DLG1: variants seen among roughly 807,000 people sequenced by gnomAD.
DLG1 encodes the protein discs large MAGUK scaffold protein 1, also known as disks large homolog 1.
DLG1 carries 42 observed loss-of-function variants against 123.4 expected under a neutral mutation model. That is an observed-to-expected ratio of 0.34 (90% confidence interval 0.27 to 0.44). The LOEUF (loss-of-function observed/expected upper bound fraction) is 0.44, where lower values mean the gene tolerates loss of function less well. Among genes scored for constraint, DLG1 ranks in the 20% least tolerant of loss-of-function variants. The pLI, the probability that DLG1 is intolerant of heterozygous loss-of-function variation, is 1.00. For synonymous variants in DLG1, 317 were observed against 356.2 expected, an observed-to-expected ratio of 0.89 and a Z score of 1.24; for missense variants, 942 against 1,082.6, an observed-to-expected ratio of 0.87 and a Z score of 1.82.
intron 4 of DLG1, among the ~76,000 whole-genome samples, chr3:197,220,224 TAGAA>T (rs983499305): frequency 6.6e-6 from 1 of 152,176 alleles, no homozygotes; most frequent in Admixed American, 6.5e-5. Flanking sequence ...TCATAAAAAT[TAGAA>T]AGACACATAC....
rs189588989 is a variant in DLG1, at chr3:197,250,099, G to A, written c.318+32580C>T. ...AATAAAGGGCACCAAAATTGAAAAG[G>A]AAGAAGTCAAATTAGCCTTGTTTAC... On this transcript the variant is annotated intron_variant, in intron 4 of 24. Transcript: ENST00000667157. 4.9e-3 allele frequency among the ~76,000 whole-genome samples: 738 copies of A among 152,152 alleles called. 6 individuals are homozygous for A. The highest frequency in any genetic ancestry group is 0.031 in the Middle Eastern group (9 of 294).
chr3:197,204,200 A>G (rs142812340), intron 4 of DLG1, among the ~76,000 whole-genome samples: 4 of 152,362 alleles, frequency 2.6e-5, no homozygotes, highest in Admixed American at 2.6e-4. Flanking sequence ...TTCTACTTGT[A>G]CATTTCAAAT....
chr3:197,195,695 A>G (rs1722113296), intron 4 of DLG1, among the ~76,000 whole-genome samples: 1 of 152,072 alleles, frequency 6.6e-6, no homozygotes, highest in Admixed American at 6.5e-5. Flanking sequence ...ACATGAGCAC[A>G]CAGATGGGAA....
At chr3:197,143,767 A>G (rs1035765460) in intron 6 of DLG1, among the ~76,000 whole-genome samples, 6 of 152,152 alleles carry the variant, frequency 3.9e-5, no homozygotes, top group African/African-American at 1.4e-4. Flanking sequence ...CATATCCTGC[A>G]ATTTTCCACT....
chr3:197,296,609 C>A, intron 2 of DLG1, 132 bp from the exon 3 acceptor site: 1 of 705,450 alleles, frequency 1.4e-6, no homozygotes, highest in East Asian at 2.6e-5. Context: ...TCACTATGTT[C>A]ATGTACACAT....
Position 197,296,413 on chromosome 3 carries a change from T to C in DLG1, c.84A>G (p.Arg28=). ...YRSKLSQTED[R]QLRSSIERVI... ...CCCGTTCTATGGAACTTCTGAGCTGTCTGTCTTCAGTTTGGCTTAGTTTTG... is the reference window on the plus strand; with the variant it reads ...CCCGTTCTATGGAACTTCTGAGCTGCCTGTCTTCAGTTTGGCTTAGTTTTG... The change falls in exon 3 of 25, where the codon AGA becomes AGG. Residue 28 remains arginine, a synonymous_variant. Coordinates refer to ENST00000667157, the MANE Select transcript of DLG1 (RefSeq NM_001366207.1). 6.2e-7 allele frequency: 1 copy of C among 1,613,478 alleles called. No individual in the cohort carries two copies. Among genetic ancestry groups the C allele is most frequent in the Non-Finnish European group, 8.5e-7 (1 of 1,179,434 alleles).
upstream of DLG1, chr3:197,298,929 G>A (rs940530417): frequency 6.5e-5 from 14 of 215,208 alleles, no homozygotes; most frequent in East Asian, 1.1e-3. Context: ...GGGCAGAGAA[G>A]GTTTGTTCAT....
chr3:197,078,446 ATAAT>A (rs1439996717), intron 17 of DLG1: 1 of 152,156 alleles, frequency 6.6e-6, no homozygotes, highest in Non-Finnish European at 1.5e-5. Flanking sequence ...ACCTTTTCAT[ATAAT>A]TAATTCAGGA....
At chr3:197,130,173 T>C (rs1201859931) in intron 11 of DLG1, among the ~76,000 whole-genome samples, 3 of 152,204 alleles carry the variant, frequency 2.0e-5, no homozygotes, top group African/African-American at 7.2e-5. Context: ...TGCTTGTTAA[T>C]AGAATGAACG....
In DLG1 at chr3:197,211,082, T is replaced by C. The variant is rs1406433762; in HGVS notation, c.319-16493A>G. On this transcript the variant is annotated intron_variant, in intron 4 of 24. Transcript: ENST00000667157. ...TGAAGGAGAAAAATTATATAATTAT[T>C]TCAACAGACATATAAAATATGTGAT... Among the ~76,000 whole-genome samples, 2 of 146,378 alleles carry C rather than the reference T, an allele frequency of 1.4e-5. 1 individual carries two copies. Among genetic ancestry groups the C allele is most frequent in the Admixed American group, 1.4e-4 (2 of 14,550 alleles).
intron 4 of DLG1, among the ~76,000 whole-genome samples, chr3:197,272,306 A>C (rs1196608951): frequency 2.0e-5 from 3 of 151,960 alleles, no homozygotes; most frequent in African/African-American, 7.3e-5. Context: ...AGCTATGATC[A>C]CACCACCTCA....
intron 4 of DLG1, among the ~76,000 whole-genome samples, chr3:197,248,584 A>G (rs1288599600): frequency 6.6e-6 from 1 of 152,236 alleles, no homozygotes; most frequent in Non-Finnish European, 1.5e-5. Flanking sequence ...ACAAGAGCAC[A>G]CTGAACAAAG....
At chr3:197,068,853 A>C (rs1741534420) in intron 19 of DLG1, among the ~76,000 whole-genome samples, 1 of 152,168 alleles carries the variant, frequency 6.6e-6, no homozygotes, top group African/African-American at 2.4e-5. Context: ...AGCTAATGAT[A>C]ATTTAGCATT....
At chr3:197,081,228 TTTA>T in intron 16 of DLG1, 111 bp from the exon 17 acceptor site, 1 of 927,988 alleles carries the variant, frequency 1.1e-6, no homozygotes, top group Non-Finnish European at 1.6e-6. Context: ...CTCTAAAACC[TTTA>T]AGAGTCATCT....
At chr3:197,231,507 C>A (rs1743021486) in intron 4 of DLG1, among the ~76,000 whole-genome samples, 1 of 152,044 alleles carries the variant, frequency 6.6e-6, no homozygotes, top group Admixed American at 6.6e-5. Flanking sequence ...TCAAGACCAG[C>A]TTGGGCAACA....
chr3:197,247,490 A>AC (rs901084489), intron 4 of DLG1, among the ~76,000 whole-genome samples: 4 of 151,958 alleles, frequency 2.6e-5, no homozygotes, highest in Non-Finnish European at 5.9e-5. Context: ...GTAAAGGAGG[A>AC]CAGGTCCCTG....
intron 4 of DLG1, among the ~76,000 whole-genome samples, chr3:197,208,657 T>G (rs558017781): frequency 2.1e-5 from 3 of 141,578 alleles, no homozygotes; most frequent in South Asian, 5.7e-4. Flanking sequence ...AAGTCCAGAA[T>G]AGTATAGACT....
chr3:197,251,464 G>A (rs1386289786), intron 4 of DLG1, among the ~76,000 whole-genome samples: 1 of 152,040 alleles, frequency 6.6e-6, no homozygotes, highest in African/African-American at 2.4e-5. Context: ...AAAGAAAAAA[G>A]AATCCAGGTA....
intron 24 of DLG1, 59 bp downstream of exon 24, chr3:197,051,518 T>A (rs1727726918): frequency 2.8e-6 from 4 of 1,404,732 alleles, no homozygotes; most frequent in Non-Finnish European, 4.0e-6. Context: ...ACGGGTCGGT[T>A]CACATGGCTT....
Sources: gnomAD v4.1 joint callset for allele counts (sites outside exome capture counted in the v4.1 genomes callset) on GRCh38, gnomAD v4.1.1 for gene constraint, MANE v1.5 for transcripts, NCBI Gene and HGNC (gene_info 2026-07-23, HGNC 2026-07-21) for gene names.